LRMDA: variants seen among roughly 807,000 people sequenced by gnomAD.
LRMDA encodes leucine-rich melanocyte differentiation-associated protein.
A neutral mutation model predicts 29.8 loss-of-function variants in LRMDA; 18 were observed. The ratio of observed to expected loss-of-function variants is 0.60; its 90% CI spans 0.42 to 0.90. The LOEUF (loss-of-function observed/expected upper bound fraction) is 0.90, where lower values mean the gene tolerates loss of function less well. Among genes scored for constraint, LRMDA ranks in the 40% least tolerant of loss-of-function variants. The probability of loss-of-function intolerance (pLI) is 0.00; values close to 1 mark genes in which losing one functional copy is unlikely to be tolerated. For missense variants in LRMDA, 273 were observed against 273.9 expected, an observed-to-expected ratio of 1.00 and a Z score of 0.02; for synonymous variants, 125 against 109.4, an observed-to-expected ratio of 1.14 and a Z score of -0.89.
At chr10:75,761,298 A>G (rs144754033) in intron 2 of LRMDA, among the ~76,000 whole-genome samples, 28 of 152,366 alleles carry the variant, frequency 1.8e-4, no homozygotes, top group African/African-American at 6.0e-4. Context: ...CTATCAACAG[A>G]TGAATGGATA....
chr10:75,855,248 A>G (rs1177892894), intron 2 of LRMDA, among the ~76,000 whole-genome samples: 1 of 152,002 alleles, frequency 6.6e-6, no homozygotes, highest in Non-Finnish European at 1.5e-5. Context: ...TGACTTTTTA[A>G]TGATCGACAT....
chr10:75,823,497 G>A (rs1844196472), intron 2 of LRMDA, among the ~76,000 whole-genome samples: 1 of 152,086 alleles, frequency 6.6e-6, no homozygotes, highest in African/African-American at 2.4e-5. Context: ...GCAGTAAAGG[G>A]AATTCCCACT....
chr10:75,600,170 T>C (rs181236960), intron 2 of LRMDA, among the ~76,000 whole-genome samples: 482 of 146,402 alleles, frequency 3.3e-3, no homozygotes, highest in Middle Eastern at 0.014. Flanking sequence ...TGACACCTTT[T>C]TCCCCCCAAG....
intron 5 of LRMDA, among the ~76,000 whole-genome samples, chr10:76,278,882 C>T (rs899256840): frequency 6.6e-6 from 1 of 152,274 alleles, no homozygotes; most frequent in Non-Finnish European, 1.5e-5. Context: ...CTCTCAAAAA[C>T]TATTGTTGCT....
chr10:76,256,363 A>C (rs1852593000), intron 5 of LRMDA, among the ~76,000 whole-genome samples: 1 of 152,212 alleles, frequency 6.6e-6, no homozygotes, highest in Non-Finnish European at 1.5e-5. Flanking sequence ...TTTCTCCCAC[A>C]TGCAAACATA....
intron 6 of LRMDA, among the ~76,000 whole-genome samples, chr10:76,543,020 G>C (rs145302049): frequency 1.3e-5 from 2 of 152,156 alleles, no homozygotes; most frequent in Admixed American, 1.3e-4. Flanking sequence ...CTTAGGGTGC[G>C]CAGGGTGTGT....
At chr10:75,740,000 T>A (rs187545827) in intron 2 of LRMDA, among the ~76,000 whole-genome samples, 36 of 152,336 alleles carry the variant, frequency 2.4e-4, no homozygotes, top group Admixed American at 2.3e-3. Context: ...CATGTCTCAA[T>A]GTATTAAATA....
intron 3 of LRMDA, among the ~76,000 whole-genome samples, chr10:76,042,021 T>C (rs904418021): frequency 2.0e-5 from 3 of 152,318 alleles, no homozygotes; most frequent in Non-Finnish European, 4.4e-5. Context: ...CAATTTTCTA[T>C]GCATCTTGAC....
intron 5 of LRMDA, among the ~76,000 whole-genome samples, chr10:76,289,389 T>C (rs560191976): frequency 6.6e-6 from 1 of 152,298 alleles, no homozygotes; most frequent in East Asian, 1.9e-4. Flanking sequence ...GAGGTCGCCT[T>C]CTTTTATGAC....
At chr10:75,731,529 T>C (rs1179771539) in intron 2 of LRMDA, among the ~76,000 whole-genome samples, 1 of 152,032 alleles carries the variant, frequency 6.6e-6, no homozygotes, top group Non-Finnish European at 1.5e-5. Flanking sequence ...AATAAATGTT[T>C]GTTGAATGAG....
chr10:76,236,303 A>G (rs1265445783), intron 5 of LRMDA, among the ~76,000 whole-genome samples: 1 of 152,184 alleles, frequency 6.6e-6, no homozygotes, highest in Non-Finnish European at 1.5e-5. Context: ...GATCCTGACT[A>G]TTTGCATCCC....
At chr10:75,986,009 T>G (rs1431365170) in intron 2 of LRMDA, among the ~76,000 whole-genome samples, 1 of 152,236 alleles carries the variant, frequency 6.6e-6, no homozygotes, top group Non-Finnish European at 1.5e-5. Flanking sequence ...TAGACAGCAT[T>G]TTAAATTCAG....
intron 5 of LRMDA, among the ~76,000 whole-genome samples, chr10:76,218,574 A>G (rs1851770593): frequency 6.6e-6 from 1 of 152,236 alleles, no homozygotes; most frequent in Non-Finnish European, 1.5e-5. Flanking sequence ...CAGATATCCA[A>G]GAGGCACCAT....
At chr10:75,483,569 A>G (rs1336786533) in intron 2 of LRMDA, among the ~76,000 whole-genome samples, 1 of 152,258 alleles carries the variant, frequency 6.6e-6, no homozygotes, top group East Asian at 1.9e-4. Flanking sequence ...AAACAGGATT[A>G]ATACCTACTT....
chr10:76,525,555 T>G (rs1194997561), intron 6 of LRMDA, among the ~76,000 whole-genome samples: 1 of 152,190 alleles, frequency 6.6e-6, no homozygotes, highest in Non-Finnish European at 1.5e-5. Context: ...TTGCTTCTAG[T>G]GTCCTGGGGC....
chr10:75,689,883 C>T (rs560243617), intron 2 of LRMDA, among the ~76,000 whole-genome samples: 1 of 152,298 alleles, frequency 6.6e-6, no homozygotes, highest in East Asian at 1.9e-4. Context: ...GCAGGCAGTT[C>T]CCCACATGCA....
chr10:76,503,874 G>T (rs1842935228), intron 6 of LRMDA, among the ~76,000 whole-genome samples: 1 of 149,292 alleles, frequency 6.7e-6, no homozygotes. Context: ...TTATCTTTGG[G>T]GTTGGTTCTT....
intron 2 of LRMDA, among the ~76,000 whole-genome samples, chr10:75,740,041 A>T (rs1842810716): frequency 1.3e-5 from 2 of 152,272 alleles, no homozygotes; most frequent in Non-Finnish European, 2.9e-5. Flanking sequence ...CTTTTAAATA[A>T]GCAGAGATTG....
At chr10:75,650,460 T>C (rs1468835420) in intron 2 of LRMDA, among the ~76,000 whole-genome samples, 3 of 150,124 alleles carry the variant, frequency 2.0e-5, no homozygotes, top group African/African-American at 5.1e-5. Flanking sequence ...CAAAATTATT[T>C]TTTGTCTCCC....
Sources: gnomAD v4.1 joint callset for allele counts (sites outside exome capture counted in the v4.1 genomes callset) on GRCh38, gnomAD v4.1.1 for gene constraint, MANE v1.5 for transcripts, NCBI Gene and HGNC (gene_info 2026-07-23, HGNC 2026-07-21) for gene names.